The following E2F2 variants were observed in gnomAD, a reference collection of about 807,000 sequenced individuals.
E2F2 encodes the protein E2F transcription factor 2.
A neutral mutation model predicts 42.2 loss-of-function variants in E2F2; 22 were observed. The ratio of observed to expected loss-of-function variants is 0.52; its 90% CI spans 0.37 to 0.74. E2F2 has a LOEUF of 0.74. E2F2 is among the 30% of genes least tolerant of loss of function. The pLI is 0.00. For missense variants in E2F2, 481 were observed against 557.8 expected (o/e 0.86, Z 1.39); for synonymous variants, 248 against 251.6 (o/e 0.99, Z 0.13).
downstream of E2F2, chr1:23,506,320 G>T (rs1375704650): frequency 6.6e-6 from 1 of 152,216 alleles, no homozygotes; most frequent in Non-Finnish European, 1.5e-5. Context: ...GAAATCCACT[G>T]GGCAATCATG....
chr1:23,513,569 T>TAC (rs1642955574), intron 6 of E2F2, among the ~76,000 whole-genome samples: 1 of 74,056 alleles, frequency 1.4e-5, no homozygotes, highest in African/African-American at 3.9e-5. Flanking sequence ...AACATGTGTG[T>TAC]GTGTGTGTGT....
chr1:23,524,014 C>T (rs1023130745), intron 2 of E2F2, among the ~76,000 whole-genome samples: 19 of 150,146 alleles, frequency 1.3e-4, no homozygotes, highest in Non-Finnish European at 7.4e-5. Context: ...GTGGAGGTTG[C>T]AGGGAGCCAA....
intron 1 of E2F2, among the ~76,000 whole-genome samples, chr1:23,525,830 C>T (rs1325117117): frequency 2.0e-5 from 3 of 152,158 alleles, no homozygotes; most frequent in Non-Finnish European, 4.4e-5. Context: ...CATTTCTTTC[C>T]TCTTTCCAAC....
rs749823518 is a variant in E2F2, at chr1:23,516,447, G to A, written c.933C>T (p.Asp311=). The change falls in exon 6 of 7, where the codon GAC becomes GAT. Residue 311 remains aspartate (D), a synonymous_variant. Transcript: ENST00000361729. The stretch of plus-strand genomic sequence containing the variant: ...AGGGGAGAGGCTCCTCGGAAGGACT[G>A]TCCGGCTCCTGCACCTCCTCTGGGC... The part of the protein sequence containing the change: ...YLCPEEVQEP[D]SPSEEPLPST... 8 of 1,609,656 alleles carry A rather than the reference G, an allele frequency of 5.0e-6. No individual in the cohort carries two copies. The African/African-American group carries it at 5.4e-5, about 11-fold the overall frequency.
chr1:23,528,395 C>A (rs913345535), intron 1 of E2F2, among the ~76,000 whole-genome samples: 1 of 152,176 alleles, frequency 6.6e-6, no homozygotes, highest in Non-Finnish European at 1.5e-5. Flanking sequence ...TTCCAGGTCA[C>A]GCCCTTGTAA....
chr1:23,525,651 C>T (rs777270088), intron 1 of E2F2, among the ~76,000 whole-genome samples: 16 of 152,170 alleles, frequency 1.1e-4, no homozygotes, highest in Non-Finnish European at 1.9e-4. Context: ...ATTTAGCTCC[C>T]TGTCTGCATG....
Position 23,530,398 on chromosome 1 carries a change from G to A in E2F2, c.252+144C>T. ...GGGGTCTTCTACTCAGATATTGGGG[G>A]CACTGGGTCCTGGAAACTGAAAGCT... On this transcript the variant is annotated intron_variant, in intron 1 of 6. Coordinates refer to ENST00000361729, the MANE Select transcript of E2F2 (RefSeq NM_004091.4). This position sits in a 1 kb window ranked among gnomAD's most constrained non-coding sequence, Gnocchi z 4.4. 1 of 1,101,222 alleles carries A rather than the reference G, an allele frequency of 9.1e-7. No homozygotes were observed. Among genetic ancestry groups the A allele is most frequent in the Non-Finnish European group, 1.3e-6 (1 of 790,694 alleles). The allele number at this position is 1,101,222 out of a possible 1,614,324, so 68.2% of individuals were successfully genotyped here.
At chr1:23,524,345 C>T (rs1417453614) in intron 2 of E2F2, 38 bp downstream of exon 2, 4 of 1,485,224 alleles carry the variant, frequency 2.7e-6, no homozygotes, top group Non-Finnish European at 3.7e-6. Context: ...TCTGCCCCTG[C>T]CCCACCCCAC....
intron 6 of E2F2, among the ~76,000 whole-genome samples, chr1:23,512,335 G>T (rs1238706983): frequency 2.0e-5 from 3 of 152,182 alleles, no homozygotes; most frequent in Non-Finnish European, 4.4e-5. Context: ...CACTGCCCTT[G>T]AGGCGAGGCG....
intron 6 of E2F2, among the ~76,000 whole-genome samples, chr1:23,514,833 C>CA (rs74604082): frequency 0.021 from 954 of 45,912 alleles, 23 homozygotes; most frequent in East Asian, 0.15. Context: ...GAGACTGTCT[C>CA]AAAAAAAAAA....
In E2F2 at chr1:23,531,048, G is replaced by A. The variant is rs919994681; in HGVS notation, c.-255C>T. The A allele has an allele frequency of 2.5e-6, 1 of 395,992 alleles. No homozygotes were observed. The highest frequency in any genetic ancestry group is 2.1e-5 in the African/African-American group (1 of 48,132). 24.5% of individuals were successfully genotyped at this position (395,992 alleles called of 1,614,324 possible). On this transcript the variant is annotated 5_prime_UTR_variant, in exon 1 of 7. Coordinates refer to ENST00000361729, the MANE Select transcript of E2F2 (RefSeq NM_004091.4). ...ACTGCCAGGGGCTGTCTCGTCCCGA[G>A]GGCACCGCGACCCGGGACGCCCCGC...
At position 23,509,704 on chromosome 1, in the gene E2F2, C is replaced by T. The variant is rs982410591; in HGVS notation, c.*176G>A. The T allele has an allele frequency of 3.1e-5, 39 of 1,278,290 alleles. No homozygotes were observed. Among genetic ancestry groups the T allele is most frequent in the South Asian group, 1.0e-4 (5 of 49,818 alleles). The allele number at this position is 1,278,290 out of a possible 1,614,324, so 79.2% of individuals were successfully genotyped here. A position where few individuals can be genotyped will look rare whatever the true frequency, so the allele number is the denominator to read the frequency against. On this transcript the variant is annotated 3_prime_UTR_variant, in exon 7 of 7. Transcript: ENST00000361729. ...GACCACCCCTTATCCACTCCTCACCCGTACCATTCATATCTCCCCACACAG... is the reference window on the plus strand; with the variant it reads ...GACCACCCCTTATCCACTCCTCACCTGTACCATTCATATCTCCCCACACAG...
chr1:23,518,989 C>T lies in E2F2; in HGVS notation c.852+27G>A. ...GCTCCCTGGCAGGGTCTCAACCCTG[C>T]TCTCCACCAAATATTTCCCCTCTCA... On this transcript the variant is annotated intron_variant, in intron 5 of 6. Transcript: ENST00000361729. The T allele has an allele frequency of 3.1e-6, 5 of 1,598,668 alleles. No homozygotes were observed. In the East Asian group the frequency reaches 6.7e-5, roughly 21 times the overall value.
chr1:23,526,023 C>G (rs1476116556), intron 1 of E2F2, among the ~76,000 whole-genome samples: 1 of 152,058 alleles, frequency 6.6e-6, no homozygotes, highest in Non-Finnish European at 1.5e-5. Flanking sequence ...ACTCCTGCCC[C>G]CTCCAGGAAG....
At chr1:23,511,695 C>T (rs963367654) in intron 6 of E2F2, among the ~76,000 whole-genome samples, 12 of 152,328 alleles carry the variant, frequency 7.9e-5, no homozygotes, top group South Asian at 2.1e-4. Flanking sequence ...GATACAACTG[C>T]GCTGGGATGC....
Position 23,507,300 on chromosome 1 carries a change from T to TAGG in E2F2, c.*2579_*2580insCCT, listed in dbSNP as rs1642816647. 6.6e-6 allele frequency: 1 copy of TAGG among 152,104 alleles called. No homozygotes were observed. Among genetic ancestry groups the TAGG allele is most frequent in the Non-Finnish European group, 1.5e-5 (1 of 68,096 alleles). 9.4% of individuals were successfully genotyped at this position (152,104 alleles called of 1,614,324 possible). A position where few individuals can be genotyped will look rare whatever the true frequency, so the allele number is the denominator to read the frequency against. ...TGGGAGGCCGAGGTGGTGGATCACT[T>TAGG]GAGGTCAGGAGTTCAAGACCAGCCT... On this transcript the variant is annotated 3_prime_UTR_variant, in exon 7 of 7. Coordinates refer to ENST00000361729, the MANE Select transcript of E2F2 (RefSeq NM_004091.4).
At chr1:23,516,985 T>G (rs1033788809) in intron 5 of E2F2, among the ~76,000 whole-genome samples, 1 of 152,118 alleles carries the variant, frequency 6.6e-6, no homozygotes, top group Non-Finnish European at 1.5e-5. Context: ...GTTGCTGAGC[T>G]GGTATCATAA....
intron 6 of E2F2, among the ~76,000 whole-genome samples, chr1:23,513,085 T>C (rs961669928): frequency 2.0e-5 from 3 of 151,766 alleles, no homozygotes; most frequent in Non-Finnish European, 4.4e-5. Context: ...AGTGCTGGAT[T>C]ACAGGTGTGT....
intron 5 of E2F2, among the ~76,000 whole-genome samples, chr1:23,517,752 T>C (rs1643052704): frequency 6.6e-6 from 1 of 152,154 alleles, no homozygotes; most frequent in Admixed American, 6.5e-5. Context: ...GTTTATGAAG[T>C]CTGGAGGTAA....
Sources: allele counts gnomAD v4.1 joint callset (sites outside exome capture counted in the v4.1 genomes callset), GRCh38; gene constraint gnomAD v4.1.1; non-coding constraint Gnocchi (gnomAD v3.1); transcripts MANE v1.5; gene names NCBI Gene and HGNC (gene_info 2026-07-23, HGNC 2026-07-21).